MCF2L2: variants seen among roughly 807,000 people sequenced by gnomAD.
MCF2L2 encodes the protein MCF.2 cell line derived transforming sequence-like 2, also known as probable guanine nucleotide exchange factor MCF2L2.
Under a neutral mutation model 150.2 loss-of-function variants are expected in MCF2L2, and 102 were observed. The ratio of observed to expected loss-of-function variants is 0.68; its 90% confidence interval spans 0.58 to 0.80. MCF2L2 has a LOEUF of 0.80. Among genes scored for constraint, MCF2L2 ranks in the 30% least tolerant of loss-of-function variants. MCF2L2 has a pLI of 0.00. For synonymous variants in MCF2L2, 465 were observed against 491.3 expected, an observed-to-expected ratio of 0.95 and a Z score of 0.71; for missense variants, 1,256 against 1,372.8, an observed-to-expected ratio of 0.91 and a Z score of 1.34.
At position 183,267,944 on chromosome 3, in the gene MCF2L2, T is replaced by A. The variant is rs900806781; in HGVS notation, c.1862+8928A>T. Among the ~76,000 whole-genome samples, 1 of 152,316 alleles carries A rather than the reference T, an allele frequency of 6.6e-6. No individual in the cohort carries two copies. The highest frequency in any genetic ancestry group is 2.4e-5 in the African/African-American group (1 of 41,558). On this transcript the variant is annotated intron_variant, in intron 15 of 29. Transcript: ENST00000328913. This position sits in a 1 kb window ranked among gnomAD's most constrained non-coding sequence, Gnocchi z 5.5. ...GGAATGCCTACCAGGGGTCACACAC[T>A]GAGCTGGATGCTGAGTGTAGGGTGT...
intron 15 of MCF2L2, among the ~76,000 whole-genome samples, chr3:183,250,627 G>T (rs1404608787): frequency 6.6e-6 from 1 of 151,726 alleles, no homozygotes; most frequent in Non-Finnish European, 1.5e-5. Flanking sequence ...TGTAAGTCAA[G>T]ATTAAAGACA....
intron 6 of MCF2L2, among the ~76,000 whole-genome samples, chr3:183,322,161 T>A (rs16857317): frequency 0.21 from 31,550 of 152,254 alleles, 4,420 homozygotes; most frequent in African/African-American, 0.4. Flanking sequence ...AAGCCATGAC[T>A]ATGAGTTTTG....
intron 25 of MCF2L2, among the ~76,000 whole-genome samples, chr3:183,195,720 C>T (rs550865968): frequency 6.6e-6 from 1 of 152,320 alleles, no homozygotes; most frequent in South Asian, 2.1e-4. Flanking sequence ...CAGAGGCCCC[C>T]CACTGCCTCC....
intron 3 of MCF2L2, among the ~76,000 whole-genome samples, chr3:183,362,653 A>C (rs1036146888): frequency 1.3e-5 from 2 of 151,912 alleles, no homozygotes; most frequent in Non-Finnish European, 2.9e-5. Flanking sequence ...TTAACCTCTG[A>C]AAAAAAAGTT....
chr3:183,233,393 G>GATATAT (rs139692115), intron 15 of MCF2L2, among the ~76,000 whole-genome samples: 2 of 150,766 alleles, frequency 1.3e-5, no homozygotes, highest in African/African-American at 2.4e-5. Context: ...GATATAGATA[G>GATATAT]ATATATGTGT....
chr3:183,345,827 G>A (rs773830171), intron 3 of MCF2L2, among the ~76,000 whole-genome samples: 2 of 152,006 alleles, frequency 1.3e-5, no homozygotes, highest in African/African-American at 2.4e-5. Context: ...TAGAAGAAAC[G>A]GATAAATTCC....
At chr3:183,356,470 G>A (rs932772700) in intron 3 of MCF2L2, among the ~76,000 whole-genome samples, 1 of 152,038 alleles carries the variant, frequency 6.6e-6, no homozygotes, top group Non-Finnish European at 1.5e-5. Context: ...TCGAGATTGC[G>A]CCACTGCACT....
At chr3:183,212,962 G>A (rs1722788796) in intron 22 of MCF2L2, among the ~76,000 whole-genome samples, 1 of 124,398 alleles carries the variant, frequency 8.0e-6, no homozygotes, top group Admixed American at 8.1e-5. Context: ...GGGGTGGGGG[G>A]GGTGGGGGGG....
intron 3 of MCF2L2, chr3:183,373,705 C>G (rs1008053221): frequency 3.9e-5 from 6 of 152,138 alleles, no homozygotes; most frequent in African/African-American, 1.4e-4. Context: ...TGATGTAATT[C>G]ATCTGAATTA....
intron 10 of MCF2L2, among the ~76,000 whole-genome samples, chr3:183,302,809 G>T (rs568228622): frequency 7.1e-6 from 1 of 141,128 alleles, no homozygotes; most frequent in African/African-American, 2.8e-5. Flanking sequence ...CAACCTATTC[G>T]CCCAGTCACC....
At chr3:183,210,049 C>T (rs537879611) in intron 22 of MCF2L2, among the ~76,000 whole-genome samples, 7 of 152,048 alleles carry the variant, frequency 4.6e-5, no homozygotes, top group East Asian at 1.9e-4. Flanking sequence ...TTTAAACATT[C>T]GACGCATCTT....
At chr3:183,277,397 T>C (rs966390671) in intron 14 of MCF2L2, among the ~76,000 whole-genome samples, 4 of 151,440 alleles carry the variant, frequency 2.6e-5, no homozygotes, top group Admixed American at 1.3e-4. Context: ...ATTCATACTT[T>C]ACTGCCCCAC....
chr3:183,220,090 G>T lies in MCF2L2; in HGVS notation c.2302-166C>A, dbSNP rs565786372. On this transcript the variant is annotated intron_variant, in intron 20 of 29. Transcript: ENST00000328913. ...AGAATAAATGATGTATTTGGCACAG[G>T]GTCCTTTCCACAAACCTAGAATCAT... Among the ~76,000 whole-genome samples the T allele has an allele frequency of 1.4e-4, 22 of 152,194 alleles. No homozygotes were observed. The South Asian group carries it at 2.1e-3, about 14-fold the overall frequency.
intron 11 of MCF2L2, 80 bp downstream of exon 11, chr3:183,299,925 A>T (rs2293202): frequency 6.1e-6 from 9 of 1,466,696 alleles, no homozygotes; most frequent in Non-Finnish European, 8.4e-6. Context: ...CAATCACACA[A>T]GGAAGGGAGG....
chr3:183,310,795 G>A (rs1200129974), intron 9 of MCF2L2, 120 bp downstream of exon 9: 2 of 666,448 alleles, frequency 3.0e-6, no homozygotes, highest in Non-Finnish European at 5.2e-6. Context: ...GAAGCAAGGA[G>A]ATAAGGAGAA....
At position 183,180,051 on chromosome 3, in the gene MCF2L2, A is replaced by AACAC. The variant is rs761235904; in HGVS notation, c.3105+19_3105+20insGTGT. On this transcript the variant is annotated intron_variant, in intron 28 of 29. Coordinates refer to ENST00000328913, the MANE Select transcript of MCF2L2 (RefSeq NM_015078.4). ...AGGAAGGAGGGAAGAAGATGAAAGA[A>AACAC]ACAAAAGGGAAGTAATTACACTCAG... 1 of 1,594,756 alleles carries AACAC rather than the reference A, an allele frequency of 6.3e-7. No homozygotes were observed. The highest frequency in any genetic ancestry group is 8.6e-7 in the Non-Finnish European group (1 of 1,162,524).
intron 3 of MCF2L2, chr3:183,376,075 G>A (rs1295875123): frequency 6.6e-6 from 1 of 152,202 alleles, no homozygotes; most frequent in Non-Finnish European, 1.5e-5. Flanking sequence ...ACTCTTTCCC[G>A]AAAGACAAAC....
intron 2 of MCF2L2, among the ~76,000 whole-genome samples, chr3:183,388,116 G>A (rs1299602399): frequency 6.6e-6 from 1 of 152,008 alleles, no homozygotes; most frequent in Non-Finnish European, 1.5e-5. Flanking sequence ...CATAAGAACA[G>A]AAAGAAAGGC....
intron 1 of MCF2L2, among the ~76,000 whole-genome samples, chr3:183,418,426 T>G (rs776679576): frequency 1.7e-4 from 26 of 152,284 alleles, no homozygotes; most frequent in Non-Finnish European, 1.9e-4. Context: ...ACCAATTATG[T>G]CTTCCCAATA....
Sources: gnomAD v4.1 joint callset for allele counts (sites outside exome capture counted in the v4.1 genomes callset) on GRCh38, gnomAD v4.1.1 for gene constraint, Gnocchi (gnomAD v3.1) non-coding constraint, MANE v1.5 for transcripts, NCBI Gene and HGNC (gene_info 2026-07-23, HGNC 2026-07-21) for gene names.